Variants in EIF2AK2 observed in about 807,000 individuals in gnomAD.
EIF2AK2 encodes the protein interferon-induced, double-stranded RNA-activated protein kinase.
Under a neutral mutation model 70.5 loss-of-function variants are expected in EIF2AK2, and 40 were observed. That is an observed-to-expected ratio of 0.57 (90% CI 0.44 to 0.74). The LOEUF (loss-of-function observed/expected upper bound fraction) is 0.74. EIF2AK2 is among the 30% of genes least tolerant of loss of function. The pLI is 0.00. For synonymous variants in EIF2AK2, 198 were observed against 220.9 expected, an observed-to-expected ratio of 0.90 and a Z score of 0.92; for missense variants, 555 against 644.3, an observed-to-expected ratio of 0.86 and a Z score of 1.50.
At chr2:37,122,702 T>C (rs574715485) in intron 11 of EIF2AK2, 38 bp from the exon 12 acceptor site, 1 of 1,612,454 alleles carries the variant, frequency 6.2e-7, no homozygotes, top group Non-Finnish European at 8.5e-7. Flanking sequence ...AGTGTCAGTG[T>C]ACATCCCTCA....
At chr2:37,127,221 C>T (rs961660172) in intron 10 of EIF2AK2, among the ~76,000 whole-genome samples, 1 of 152,076 alleles carries the variant, frequency 6.6e-6, no homozygotes, top group Non-Finnish European at 1.5e-5. Context: ...ACCCGCTTTC[C>T]TCTGCCTCCA....
intron 4 of EIF2AK2, among the ~76,000 whole-genome samples, chr2:37,142,950 C>T (rs1311055626): frequency 6.6e-6 from 1 of 152,036 alleles, no homozygotes; most frequent in African/African-American, 2.4e-5. Flanking sequence ...ATGTTGGGGC[C>T]GGGCGCGGTG....
At chr2:37,132,121 GCTGA>G (rs1182307476) in intron 10 of EIF2AK2, among the ~76,000 whole-genome samples, 4 of 152,118 alleles carry the variant, frequency 2.6e-5, no homozygotes, top group Admixed American at 6.6e-5. Context: ...GAACCGTGAG[GCTGA>G]CTATTGGGCA....
At chr2:37,148,213 G>T (rs1392002181) in intron 2 of EIF2AK2, among the ~76,000 whole-genome samples, 2 of 152,134 alleles carry the variant, frequency 1.3e-5, no homozygotes, top group East Asian at 3.9e-4. Context: ...CAGTGAAAGG[G>T]GGTCCTTCTC....
intron 15 of EIF2AK2, among the ~76,000 whole-genome samples, chr2:37,108,011 T>G (rs767119850): frequency 6.6e-6 from 1 of 151,912 alleles, no homozygotes; most frequent in Non-Finnish European, 1.5e-5. Context: ...CCAGGCATGG[T>G]GGTGCACGCC....
chr2:37,106,305 T>C lies in EIF2AK2; in HGVS notation c.*968A>G, dbSNP rs1404659553. 2.0e-5 allele frequency: 3 copies of C among 152,250 alleles called. No homozygotes were observed. The highest frequency in any genetic ancestry group is 4.4e-5 in the Non-Finnish European group (3 of 68,044). 9.4% of individuals were successfully genotyped at this position (152,250 alleles called of 1,614,324 possible). ...TAACATTATGTTTCTGAGAGTTGTA[T>C]TGTGTTACGTTATTACATTTAGCTG... On this transcript the variant is annotated 3_prime_UTR_variant, in exon 17 of 17. Coordinates refer to ENST00000233057, the MANE Select transcript of EIF2AK2 (RefSeq NM_001135651.3).
chr2:37,152,767 G>A (rs1242547467), intron 1 of EIF2AK2, among the ~76,000 whole-genome samples: 1 of 152,132 alleles, frequency 6.6e-6, no homozygotes, highest in Non-Finnish European at 1.5e-5. Flanking sequence ...CTGAGTTTCA[G>A]ATCTCTCTAT....
At chr2:37,116,986 C>T (rs947318988) in intron 13 of EIF2AK2, among the ~76,000 whole-genome samples, 3 of 152,020 alleles carry the variant, frequency 2.0e-5, no homozygotes, top group Admixed American at 2.0e-4. Flanking sequence ...CTGAAGCGGG[C>T]AGACAGCGTG....
In EIF2AK2 at chr2:37,107,229, A is replaced by C; in HGVS notation, c.*44T>G. ...TCCCTAGCAGATTTTAGATAATTTA[A>C]GGAAAACTGCATATCAGAAGCAGGA... On this transcript the variant is annotated 3_prime_UTR_variant, in exon 17 of 17. Transcript: ENST00000233057. 6.3e-7 allele frequency: 1 copy of C among 1,583,256 alleles called. No homozygotes were observed. The highest frequency in any genetic ancestry group is 8.6e-7 in the Non-Finnish European group (1 of 1,168,604).
At chr2:37,146,175 G>T (rs1675531205) in intron 4 of EIF2AK2, among the ~76,000 whole-genome samples, 1 of 152,128 alleles carries the variant, frequency 6.6e-6, no homozygotes. Context: ...ATGCTGTATA[G>T]GTTCGTAGTC....
At chr2:37,139,530 A>T in intron 6 of EIF2AK2, 101 bp downstream of exon 6, 2 of 1,489,716 alleles carry the variant, frequency 1.3e-6, no homozygotes, top group Non-Finnish European at 1.8e-6. Flanking sequence ...CATTTTGCTA[A>T]ATCACTGGCT....
intron 10 of EIF2AK2, among the ~76,000 whole-genome samples, chr2:37,126,986 A>AAAAAAAAAAAAAAAACC (rs1674758140): frequency 6.8e-6 from 1 of 146,948 alleles, no homozygotes; most frequent in Non-Finnish European, 1.5e-5. Context: ...AAAAAAAAAA[A>AAAAAAAAAAAAAAAACC]AAAAAAAAAA....
chr2:37,124,514 C>G (rs542328717), intron 11 of EIF2AK2, among the ~76,000 whole-genome samples: 3 of 152,134 alleles, frequency 2.0e-5, no homozygotes, highest in Non-Finnish European at 4.4e-5. Context: ...CTGTCTTGGC[C>G]TCCCAAAGTG....
rs1408503250 is a variant in EIF2AK2 at position 37,099,227 on chromosome 2, CATTT to C, written c.*8042_*8045del. On this transcript the variant is annotated 3_prime_UTR_variant, in exon 17 of 17. Transcript: ENST00000233057. ...ATACCAAATTGGTTTTTCTAATAAACATTTATTTCAAGTGTTATTTGTTAAACAT... is the reference window on the plus strand; with the variant it reads ...ATACCAAATTGGTTTTTCTAATAAACATTTCAAGTGTTATTTGTTAAACAT... The C allele has an allele frequency of 6.6e-6, 1 of 152,108 alleles. No individual in the cohort carries two copies. Among genetic ancestry groups the C allele is most frequent in the Non-Finnish European group, 1.5e-5 (1 of 68,004 alleles). 9.4% of individuals were successfully genotyped at this position (152,108 alleles called of 1,614,324 possible).
chr2:37,120,920 C>T (rs1423164329), intron 12 of EIF2AK2, among the ~76,000 whole-genome samples: 5 of 145,618 alleles, frequency 3.4e-5, no homozygotes, highest in African/African-American at 5.0e-5. Context: ...GCTGAGATCA[C>T]GCCATTGTGC....
At chr2:37,107,553 AT>A in intron 15 of EIF2AK2, 26 bp from the exon 16 acceptor site, 1 of 1,596,608 alleles carries the variant, frequency 6.3e-7, no homozygotes. Flanking sequence ...ATAGGTGTAT[AT>A]TAGGAAATTA....
chr2:37,149,143 A>G lies in EIF2AK2; in HGVS notation c.-183-120T>C, dbSNP rs1338395194. 4.3e-6 allele frequency: 4 copies of G among 932,586 alleles called. No homozygotes were observed. In the African/African-American group the frequency reaches 6.5e-5, roughly 15 times the overall value. 57.8% of individuals were successfully genotyped at this position (932,586 alleles called of 1,614,324 possible). ...GGTCTCCTGATTTTTATTGGGATGGACCTCGATGCCTCGATGAAGATTGTT... is the reference window on the plus strand; with the variant it reads ...GGTCTCCTGATTTTTATTGGGATGGGCCTCGATGCCTCGATGAAGATTGTT... On this transcript the variant is annotated intron_variant, in intron 1 of 16. Transcript: ENST00000233057.
intron 14 of EIF2AK2, among the ~76,000 whole-genome samples, chr2:37,110,180 C>T (rs1674098737): frequency 6.6e-6 from 1 of 151,948 alleles, no homozygotes; most frequent in South Asian, 2.1e-4. Context: ...AAGCAGTTCT[C>T]CTGCCTCAGC....
chr2:37,156,202 G>T (rs1347980387), intron 1 of EIF2AK2, among the ~76,000 whole-genome samples: 4 of 152,194 alleles, frequency 2.6e-5, no homozygotes, highest in African/African-American at 4.8e-5. Context: ...GCTGGAGGAT[G>T]CTTGGCTGTG....
Sources: gnomAD v4.1 joint callset for allele counts (sites outside exome capture counted in the v4.1 genomes callset) on GRCh38, gnomAD v4.1.1 for gene constraint, MANE v1.5 for transcripts, NCBI Gene and HGNC (gene_info 2026-07-23, HGNC 2026-07-21) for gene names.